The following PDE1C variants were observed in gnomAD, a reference collection of about 807,000 sequenced individuals.
PDE1C encodes phosphodiesterase 1C.
Under a neutral mutation model 93.1 loss-of-function variants are expected in PDE1C, and 62 were observed. The ratio of observed to expected loss-of-function variants is 0.67; its 90% CI spans 0.54 to 0.82. PDE1C has a LOEUF of 0.82. Ranked by LOEUF, PDE1C falls within the 40% of genes least tolerant of loss-of-function variation. The probability of loss-of-function intolerance (pLI) is 0.00; values close to 1 mark genes in which losing one functional copy is unlikely to be tolerated. For missense variants in PDE1C, 742 were observed against 884.6 expected, an observed-to-expected ratio of 0.84 and a Z score of 2.04; for synonymous variants, 325 against 310.1, an observed-to-expected ratio of 1.05 and a Z score of -0.50.
chr7:31,792,530 T>A (rs572582454), intron 16 of PDE1C, among the ~76,000 whole-genome samples: 1 of 152,138 alleles, frequency 6.6e-6, no homozygotes. Context: ...TAGTAAGGTA[T>A]GATATGTCAA....
At chr7:32,330,842 G>T (rs569700137) in intron 1 of PDE1C, among the ~76,000 whole-genome samples, 1 of 152,212 alleles carries the variant, frequency 6.6e-6, no homozygotes, top group Non-Finnish European at 1.5e-5. Context: ...AGGCCAGAGA[G>T]CAGGGAATCG....
At chr7:31,685,343 T>C in the PDE1C span, among the ~76,000 whole-genome samples, 9 of 152,226 alleles carry the variant, frequency 5.9e-5, no homozygotes, top group African/African-American at 2.2e-4. Flanking sequence ...TATATATTCA[T>C]GTAAATATCA....
intron 1 of PDE1C, among the ~76,000 whole-genome samples, chr7:32,333,968 A>G (rs1783563008): frequency 6.6e-6 from 1 of 152,330 alleles, no homozygotes; most frequent in African/African-American, 2.4e-5. Flanking sequence ...TCATTTCAGA[A>G]AGCAAAGCAG....
intron 1 of PDE1C, among the ~76,000 whole-genome samples, chr7:32,287,245 G>A (rs1378487557): frequency 6.6e-6 from 1 of 152,146 alleles, no homozygotes; most frequent in Non-Finnish European, 1.5e-5. Flanking sequence ...AAATCCTCCA[G>A]TGGGCCTGTA....
chr7:31,820,576 C>T (rs1788834033), intron 14 of PDE1C: 1 of 152,026 alleles, frequency 6.6e-6, no homozygotes, highest in African/African-American at 2.4e-5. Flanking sequence ...GACCCATTTC[C>T]AGTGCATTTA....
At chr7:32,070,232 G>A in intron 1 of PDE1C, 61 bp downstream of exon 1, 1 of 1,609,662 alleles carries the variant, frequency 6.2e-7, no homozygotes. Context: ...GACTGCGGCT[G>A]TGTGGTAAAA....
At position 32,297,955 on chromosome 7, in the gene PDE1C, ATC is replaced by A. The variant is rs768784407; in HGVS notation, c.85+694_85+695del. On this transcript the variant is annotated intron_variant, in intron 1 of 18. Coordinates refer to the PDE1C transcript ENST00000396193. ...CAACTTTTATAGAAACTATTGTTCA[ATC>A]TCTCTCTCTCTCTCTCTCTCTCTCT... Among the ~76,000 whole-genome samples, 206 of 28,944 alleles carry A rather than the reference ATC, an allele frequency of 7.1e-3. 1 individual carries two copies. Among genetic ancestry groups the A allele is most frequent in the African/African-American group, 0.031 (167 of 5,420 alleles). The allele number at this position is 28,944 out of a possible 152,430, so 19.0% of individuals were successfully genotyped here.
upstream of PDE1C, among the ~76,000 whole-genome samples, chr7:32,302,168 T>C (rs1420919817): frequency 6.6e-6 from 1 of 152,234 alleles, no homozygotes; most frequent in Non-Finnish European, 1.5e-5. Context: ...ACTCCTAAAA[T>C]TATAGTAAGC....
chr7:31,694,380 T>TCAAACACACACACACACA, the PDE1C span, among the ~76,000 whole-genome samples: 134 of 109,200 alleles, frequency 1.2e-3, no homozygotes, highest in African/African-American at 4.9e-3. Context: ...TCTCTCTCTC[T>TCAAACACACACACACACA]CTCTCAAACA....
the PDE1C span, chr7:31,656,120 T>A: frequency 1.4e-6 from 1 of 713,938 alleles, no homozygotes; most frequent in Non-Finnish European, 1.7e-6. Context: ...TTGAAACTCC[T>A]ATATCACTTT....
At chr7:31,977,820 T>C (rs1021918923) in intron 2 of PDE1C, among the ~76,000 whole-genome samples, 1 of 152,180 alleles carries the variant, frequency 6.6e-6, no homozygotes, top group Non-Finnish European at 1.5e-5. Flanking sequence ...TATAAATCCA[T>C]TTAACATAAG....
chr7:31,840,663 G>A (rs916380339), intron 9 of PDE1C, among the ~76,000 whole-genome samples: 1 of 151,964 alleles, frequency 6.6e-6, no homozygotes, highest in Admixed American at 6.6e-5. Context: ...TTTTCCCATT[G>A]TTCCAAAACC....
At chr7:31,693,711 A>C in the PDE1C span, among the ~76,000 whole-genome samples, 1 of 152,352 alleles carries the variant, frequency 6.6e-6, no homozygotes, top group Non-Finnish European at 1.5e-5. Context: ...TTGCATCTAG[A>C]CCCACCAAGG....
intron 3 of PDE1C, among the ~76,000 whole-genome samples, chr7:32,126,014 C>A (rs1324301860): frequency 6.6e-6 from 1 of 151,848 alleles, no homozygotes; most frequent in East Asian, 1.9e-4. Context: ...ACACCTGTCC[C>A]AATATGATTG....
chr7:31,778,399 A>C (rs1393374511), intron 16 of PDE1C, among the ~76,000 whole-genome samples: 1 of 152,116 alleles, frequency 6.6e-6, no homozygotes, highest in Non-Finnish European at 1.5e-5. Flanking sequence ...GACCTTTGGG[A>C]TAGGGTTTCT....
chr7:32,289,159 C>T (rs978613913), intron 1 of PDE1C, among the ~76,000 whole-genome samples: 2 of 152,154 alleles, frequency 1.3e-5, no homozygotes, highest in African/African-American at 4.8e-5. Flanking sequence ...AATCCCAACA[C>T]TTTGGGAGGG....
chr7:31,644,084 A>G, the PDE1C span: 1 of 763,824 alleles, frequency 1.3e-6, no homozygotes. Flanking sequence ...CATGAATAAC[A>G]TTTGTAGAGT....
At chr7:31,666,705 C>T in the PDE1C span, among the ~76,000 whole-genome samples, 6 of 152,108 alleles carry the variant, frequency 3.9e-5, no homozygotes, top group African/African-American at 1.4e-4. Context: ...ACCATCACCA[C>T]AAAGCAAGAT....
chr7:31,978,759 G>A (rs572830761), intron 2 of PDE1C, among the ~76,000 whole-genome samples: 61 of 152,306 alleles, frequency 4.0e-4, no homozygotes, highest in Admixed American at 7.8e-4. Context: ...TTCTGGAAGA[G>A]ATTAAGGAGA....
Sources: allele counts gnomAD v4.1 joint callset (sites outside exome capture counted in the v4.1 genomes callset), GRCh38; gene constraint gnomAD v4.1.1; transcripts MANE v1.5; gene names NCBI Gene and HGNC (gene_info 2026-07-23, HGNC 2026-07-21).